Variants in CLIP1 observed in about 807,000 individuals in gnomAD.
CLIP1 encodes the protein CAP-Gly domain containing linker protein 1, also known as CAP-Gly domain-containing linker protein 1.
CLIP1 carries 66 observed loss-of-function variants against 161.6 expected under a neutral mutation model. The observed-to-expected ratio is 0.41, with a 90% CI of 0.33 to 0.50. The LOEUF (loss-of-function observed/expected upper bound fraction) is 0.50. Among genes scored for constraint, CLIP1 ranks in the 20% least tolerant of loss-of-function variants. The pLI is 0.27. For synonymous variants in CLIP1, 598 were observed against 626.2 expected (o/e 0.96, Z 0.67); for missense variants, 1,376 against 1,702.0 (o/e 0.81, Z 3.37).
intron 1 of CLIP1, 124 bp from the exon 2 acceptor site, chr12:122,380,682 G>A: frequency 3.0e-6 from 1 of 336,076 alleles, no homozygotes; most frequent in Admixed American, 4.7e-5. Context: ...CTGAACCTAG[G>A]AACCTAGAAG....
chr12:122,288,304 G>A (rs192054143), intron 21 of CLIP1, among the ~76,000 whole-genome samples, 185 bp downstream of exon 21: 62 of 152,264 alleles, frequency 4.1e-4, no homozygotes, highest in Admixed American at 1.4e-3. Context: ...GATTACAGGT[G>A]TGAGCTATCA....
intron 1 of CLIP1, among the ~76,000 whole-genome samples, chr12:122,418,293 C>T (rs4758666): frequency 0.74 from 112,577 of 151,978 alleles, 41,927 homozygotes; most frequent in East Asian, 0.85. Context: ...GATAGGTATA[C>T]CATAGCTCAT....
At chr12:122,391,008 G>A (rs1199250331) in intron 1 of CLIP1, among the ~76,000 whole-genome samples, 1 of 152,134 alleles carries the variant, frequency 6.6e-6, no homozygotes, top group African/African-American at 2.4e-5. Context: ...TACACTTCCG[G>A]CTCGGTGTGG....
intron 3 of CLIP1, among the ~76,000 whole-genome samples, chr12:122,369,737 G>T (rs753841553): frequency 1.3e-5 from 2 of 151,876 alleles, no homozygotes; most frequent in Non-Finnish European, 2.9e-5. Context: ...TTTAGTTGGG[G>T]TGGCCAAGGA....
intron 10 of CLIP1, chr12:122,342,949 C>T (rs1019734188): frequency 6.0e-5 from 9 of 150,856 alleles, no homozygotes; most frequent in Admixed American, 1.3e-4. Context: ...ACTAATTTAA[C>T]TTGTGACTTA....
Position 122,340,719 on chromosome 12 carries a change from GGAAAA to G in CLIP1, c.2451+29_2451+33del, listed in dbSNP as rs748674930. 5.4e-6 allele frequency: 8 copies of G among 1,471,968 alleles called. No homozygotes were observed. The South Asian group carries it at 8.0e-5, about 15-fold the overall frequency. The allele number at this position is 1,471,968 out of a possible 1,614,324, so 91.2% of individuals were successfully genotyped here. A position where few individuals can be genotyped will look rare whatever the true frequency, so the allele number is the denominator to read the frequency against. ...ATAATGCAAAACAAGAATAACAAATGGAAAAGAAAAGAATGGAGGATGTCAATACA... is the reference window on the plus strand; with the variant it reads ...ATAATGCAAAACAAGAATAACAAATGGAAAAGAATGGAGGATGTCAATACA... On this transcript the variant is annotated intron_variant, in intron 11 of 25. Transcript: ENST00000620786.
chr12:122,366,312 A>G (rs1051090079), intron 3 of CLIP1, among the ~76,000 whole-genome samples: 28 of 150,902 alleles, frequency 1.9e-4, no homozygotes, highest in African/African-American at 6.3e-4. Context: ...GTCTCAAAAA[A>G]AAAAAAAAGT....
chr12:122,332,665 C>T (rs1952031847), intron 15 of CLIP1, among the ~76,000 whole-genome samples: 1 of 152,178 alleles, frequency 6.6e-6, no homozygotes, highest in South Asian at 2.1e-4. Flanking sequence ...AAGTGATCCG[C>T]CCACCTCGGC....
rs184234734 is a variant in CLIP1, at chr12:122,287,479, A to G, written c.3647+1010T>C. 3.1e-4 allele frequency among the ~76,000 whole-genome samples: 47 copies of G among 152,312 alleles called. 1 individual carries two copies. The East Asian group carries it at 5.0e-3, about 16-fold the overall frequency. On this transcript the variant is annotated intron_variant, in intron 21 of 25. Transcript: ENST00000620786. ...TTTAGTTTTGTTTTTAACAAGCGAA[A>G]AAGCACATCACTGTTGTAATATGCA...
chr12:122,365,852 TA>T (rs889542080), intron 3 of CLIP1, among the ~76,000 whole-genome samples: 1 of 150,866 alleles, frequency 6.6e-6, no homozygotes, highest in East Asian at 2.0e-4. Flanking sequence ...GTACAAATAA[TA>T]AAAAAAATTA....
In CLIP1 at chr12:122,340,756, G is replaced by T. The variant is rs746967734; in HGVS notation, c.2448C>A (p.Ser816Arg). 13 of 1,569,402 alleles carry T rather than the reference G, an allele frequency of 8.3e-6. No homozygotes were observed. The highest frequency in any genetic ancestry group is 1.0e-5 in the Non-Finnish European group (12 of 1,158,728). Residue 816 changes from serine to arginine, a missense_variant, in exon 11 of 26, where the codon AGC (serine) becomes AGA (arginine). Ser to Arg is a moderately radical substitution (Grantham distance 110, BLOSUM62 -1). This residue lies in a region of CLIP1 where 948 missense variants were observed against 1,134.8 expected (regional missense o/e 0.84). Transcript: ENST00000620786. ...AATGGAGGATGTCAATACAAACCTT[G>T]CTACTTTCAGCATTCTTTTCAATCT... ...HLEIEKNAES[S>R]KASSITRELQ...
chr12:122,382,355 C>T (rs1955043555), intron 1 of CLIP1, among the ~76,000 whole-genome samples: 1 of 150,460 alleles, frequency 6.6e-6, no homozygotes, highest in South Asian at 2.1e-4. Context: ...GAGCAAAACT[C>T]CGTCTCAAAA....
Position 122,364,169 on chromosome 12 carries a change from GTCCC to G in CLIP1, c.658-66_658-63del, listed in dbSNP as rs1954013121. On this transcript the variant is annotated intron_variant, in intron 3 of 25. Coordinates refer to ENST00000620786, the MANE Select transcript of CLIP1 (RefSeq NM_001247997.2). ...TCACTCTATAGCTTAATCGTTTGTG[GTCCC>G]TACTAGTAACTAGGTACTACATTCC... The G allele has an allele frequency of 3.1e-6, 5 of 1,591,418 alleles. No individual in the cohort carries two copies. In the Admixed American group the frequency reaches 8.4e-5, roughly 27 times the overall value.
Position 122,341,090 on chromosome 12 carries a change from T to C in CLIP1, c.2114A>G (p.Glu705Gly). Residue 705 changes from glutamate to glycine, a missense_variant, in exon 11 of 26, where the codon GAA becomes GGA. Around this residue, in one of 6 missense-constraint regions of CLIP1, gnomAD observed 948 missense variants for 1,134.8 expected, o/e 0.84. Transcript: ENST00000620786. ...LRAKLMKVIK[E>G]KENSLEAIRS... is the part of the protein sequence containing the mutation. The stretch of plus-strand genomic sequence containing the variant: ...GATGGCTTCCAGACTGTTTTCCTTT[T>C]CTTTAATAACTTTCATCAGTTTAGC... The C allele has an allele frequency of 1.2e-6, 2 of 1,613,844 alleles. No individual in the cohort carries two copies. Among genetic ancestry groups the C allele is most frequent in the African/African-American group, 2.7e-5 (2 of 74,948 alleles).
intron 17 of CLIP1, among the ~76,000 whole-genome samples, chr12:122,320,027 C>T (rs1035266616): frequency 6.6e-6 from 1 of 152,034 alleles, no homozygotes; most frequent in East Asian, 1.9e-4. Flanking sequence ...GTAATCCCAG[C>T]ACTTTGGGAG....
intron 3 of CLIP1, among the ~76,000 whole-genome samples, chr12:122,372,654 G>A (rs546588073): frequency 2.0e-5 from 3 of 151,436 alleles, no homozygotes; most frequent in Non-Finnish European, 2.9e-5. Flanking sequence ...AAACCTCATC[G>A]CAAAGGAATT....
intron 1 of CLIP1, among the ~76,000 whole-genome samples, chr12:122,417,473 A>G (rs1331209655): frequency 6.6e-6 from 1 of 151,688 alleles, no homozygotes; most frequent in Non-Finnish European, 1.5e-5. Context: ...TCTAAAAAAC[A>G]AAAGCAATTT....
intron 5 of CLIP1, among the ~76,000 whole-genome samples, chr12:122,357,834 C>T (rs1232111312): frequency 1.3e-5 from 2 of 151,236 alleles, no homozygotes; most frequent in African/African-American, 2.4e-5. Flanking sequence ...AGCCCCCCGC[C>T]CGGCCAGCCG....
Position 122,328,312 on chromosome 12 carries a change from A to T in CLIP1, c.2982T>A (p.Ala994=). The change falls in exon 16 of 26, where the codon GCT becomes GCA. Residue 994 remains alanine (A), a synonymous_variant. Coordinates refer to ENST00000620786, the MANE Select transcript of CLIP1 (RefSeq NM_001247997.2). ...CTTTCTTTTCTTCCTCATGCTTTTT[A>T]GCTGCTTCTTGCTGGCTCTGTTCAG... is the stretch of plus-strand genomic sequence containing the variant. ...VKAEQSQQEA[A]KKHEEEKKEL... is the part of the protein sequence containing the mutation. 1 of 1,613,970 alleles carries T rather than the reference A, an allele frequency of 6.2e-7. No homozygotes were observed. Among genetic ancestry groups the T allele is most frequent in the Non-Finnish European group, 8.5e-7 (1 of 1,179,996 alleles).
Sources: allele counts gnomAD v4.1 joint callset (sites outside exome capture counted in the v4.1 genomes callset), GRCh38; gene constraint gnomAD v4.1.1; regional missense constraint gnomAD v4.1.1; transcripts MANE v1.5; gene names NCBI Gene and HGNC (gene_info 2026-07-23, HGNC 2026-07-21).